Variants in C12orf42 observed in about 807,000 individuals in gnomAD.
C12orf42 encodes chromosome 12 open reading frame 42.
A neutral mutation model predicts 21.6 loss-of-function variants in C12orf42; 25 were observed. That is an observed-to-expected ratio of 1.16 (90% confidence interval 0.84 to 1.62). The LOEUF is 1.62. C12orf42 is among the 40% of genes most tolerant of loss of function. The probability of loss-of-function intolerance (pLI) is 0.00; values close to 1 mark genes in which losing one functional copy is unlikely to be tolerated. For missense variants in C12orf42, 483 were observed against 459.3 expected (o/e 1.05, Z -0.47); for synonymous variants, 174 against 175.0 (o/e 0.99, Z 0.05).
chr12:103,411,094 G>C (rs10778245), intron 2 of C12orf42, among the ~76,000 whole-genome samples: 125,939 of 152,156 alleles, frequency 0.83, 52,152 homozygotes, highest in Admixed American at 0.88. Context: ...AAATACTAGA[G>C]AGCAGTTGTT....
the C12orf42 span, among the ~76,000 whole-genome samples, chr12:103,068,257 AT>A: frequency 3.9e-5 from 6 of 152,048 alleles, no homozygotes; most frequent in African/African-American, 9.7e-5. Context: ...CCTTCATTTT[AT>A]TTTTTTCTCC....
chr12:103,177,872 T>C, the C12orf42 span, among the ~76,000 whole-genome samples: 1 of 122,648 alleles, frequency 8.2e-6, no homozygotes, highest in Admixed American at 8.4e-5. Context: ...TGTGTGTGTG[T>C]GTGCGCGCGC....
chr12:103,209,277 A>T, the C12orf42 span, among the ~76,000 whole-genome samples: 75 of 152,368 alleles, frequency 4.9e-4, no homozygotes, highest in Admixed American at 9.1e-4. Flanking sequence ...TCACTCACAA[A>T]GATTCCCTCA....
the C12orf42 span, among the ~76,000 whole-genome samples, chr12:103,192,926 A>G: frequency 6.6e-6 from 1 of 152,232 alleles, no homozygotes; most frequent in Non-Finnish European, 1.5e-5. Flanking sequence ...TCCACTCAAC[A>G]GCAGAAAATA....
chr12:103,423,430 A>G (rs1033723950), intron 2 of C12orf42, among the ~76,000 whole-genome samples: 4 of 152,252 alleles, frequency 2.6e-5, no homozygotes, highest in African/African-American at 7.2e-5. Context: ...AGCACTATGG[A>G]AACTGCAGAT....
chr12:103,468,281 A>G (rs1015029061), intron 2 of C12orf42, among the ~76,000 whole-genome samples: 1 of 152,224 alleles, frequency 6.6e-6, no homozygotes, highest in African/African-American at 2.4e-5. Flanking sequence ...CTAACATTCA[A>G]AGAGGAATTG....
intron 3 of C12orf42, among the ~76,000 whole-genome samples, chr12:103,383,901 G>A (rs1368510122): frequency 1.3e-5 from 2 of 152,154 alleles, no homozygotes; most frequent in Admixed American, 1.3e-4. Flanking sequence ...CATGTAAATT[G>A]TTTAAATAAG....
In C12orf42 at chr12:103,328,024, T is replaced by C. The variant is rs367984092; in HGVS notation, c.260-21679A>G. Reference sequence around the variant, plus strand: ...ATTCAAGTGTGTAGAAGTGATATCATTAGGATTGACTCCATCTCTCAGCAC... The same window carrying C: ...ATTCAAGTGTGTAGAAGTGATATCACTAGGATTGACTCCATCTCTCAGCAC... On this transcript the variant is annotated intron_variant, in intron 4 of 5. Coordinates refer to ENST00000548883, the MANE Select transcript of C12orf42 (RefSeq NM_198521.5). Among the ~76,000 whole-genome samples, 4 of 152,174 alleles carry C rather than the reference T, an allele frequency of 2.6e-5. No homozygotes were observed. The East Asian group carries it at 5.8e-4, about 22-fold the overall frequency.
chr12:103,397,433 T>C (rs751474555), intron 3 of C12orf42, among the ~76,000 whole-genome samples: 1 of 152,080 alleles, frequency 6.6e-6, no homozygotes, highest in Non-Finnish European at 1.5e-5. Context: ...GTAAGATCAG[T>C]GGTGGCACTA....
chr12:103,239,115 G>T (rs1002378215), intron 10 of C12orf42, among the ~76,000 whole-genome samples: 8 of 152,098 alleles, frequency 5.3e-5, no homozygotes, highest in African/African-American at 1.7e-4. Context: ...CTACAAATAG[G>T]CACTCTATAA....
the C12orf42 span, among the ~76,000 whole-genome samples, chr12:103,073,407 T>C: frequency 5.3e-5 from 8 of 152,328 alleles, no homozygotes; most frequent in Non-Finnish European, 1.0e-4. Flanking sequence ...GGCAGCTATT[T>C]TTCTTCTTTC....
chr12:103,425,028 G>T (rs999699659), intron 2 of C12orf42, among the ~76,000 whole-genome samples: 2 of 152,192 alleles, frequency 1.3e-5, no homozygotes, highest in Admixed American at 6.5e-5. Context: ...ACTGAGGCTT[G>T]AGTAGGTGGA....
At chr12:103,241,059 A>G (rs529087296) in intron 10 of C12orf42, among the ~76,000 whole-genome samples, 3 of 152,318 alleles carry the variant, frequency 2.0e-5, no homozygotes, top group African/African-American at 2.4e-5. Context: ...TTATATTTCT[A>G]TTAACCTACA....
chr12:103,273,114 G>A (rs1459071728), intron 5 of C12orf42, among the ~76,000 whole-genome samples: 1 of 152,142 alleles, frequency 6.6e-6, no homozygotes, highest in Non-Finnish European at 1.5e-5. Flanking sequence ...TTAGCTGTTA[G>A]GATATTAGTC....
the C12orf42 span, among the ~76,000 whole-genome samples, chr12:103,079,896 C>A: frequency 6.6e-6 from 1 of 152,110 alleles, no homozygotes. Flanking sequence ...TAACTTGAAT[C>A]AATGATGGTA....
intron 4 of C12orf42, among the ~76,000 whole-genome samples, chr12:103,285,787 C>G (rs1021550599): frequency 3.6e-4 from 55 of 152,244 alleles, no homozygotes; most frequent in African/African-American, 1.3e-3. Context: ...TTTAGTCCCC[C>G]AAAATAATTG....
At chr12:103,411,257 G>A (rs910933392) in intron 2 of C12orf42, among the ~76,000 whole-genome samples, 1 of 151,956 alleles carries the variant, frequency 6.6e-6, no homozygotes, top group Non-Finnish European at 1.5e-5. Context: ...GAACTATATA[G>A]CTAATTCTAT....
At chr12:103,540,852 G>A in the C12orf42 span, among the ~76,000 whole-genome samples, 5 of 151,978 alleles carry the variant, frequency 3.3e-5, no homozygotes, top group East Asian at 7.7e-4. Flanking sequence ...TTTGTGTTTA[G>A]TTTTTCCTTC....
the C12orf42 span, among the ~76,000 whole-genome samples, chr12:103,507,219 A>AT: frequency 2.5e-5 from 1 of 39,296 alleles, no homozygotes; most frequent in African/African-American, 2.2e-4. Flanking sequence ...TATATAATAT[A>AT]TAAATATAAA....
Sources: allele counts gnomAD v4.1 joint callset (sites outside exome capture counted in the v4.1 genomes callset), GRCh38; gene constraint gnomAD v4.1.1; transcripts MANE v1.5; gene names NCBI Gene and HGNC (gene_info 2026-07-23, HGNC 2026-07-21).